CTNNA2: variants seen among roughly 807,000 people sequenced by gnomAD.
CTNNA2 encodes catenin alpha 2, also known as catenin alpha-2.
Under a neutral mutation model 101.0 loss-of-function variants are expected in CTNNA2, and 42 were observed. That is an observed-to-expected ratio of 0.42 (90% confidence interval 0.32 to 0.54). The LOEUF (loss-of-function observed/expected upper bound fraction) is 0.54, where lower values mean the gene tolerates loss of function less well. CTNNA2 is among the 20% of genes least tolerant of loss of function. The probability of loss-of-function intolerance (pLI) is 0.14; values close to 1 mark genes in which losing one functional copy is unlikely to be tolerated. For missense variants in CTNNA2, 871 were observed against 1,223.1 expected (o/e 0.71, Z 4.29); for synonymous variants, 450 against 456.4 (o/e 0.99, Z 0.18).
At chr2:79,818,852 T>C (rs1433057682) in intron 3 of CTNNA2, among the ~76,000 whole-genome samples, 1 of 137,052 alleles carries the variant, frequency 7.3e-6, no homozygotes, top group African/African-American at 2.8e-5. Flanking sequence ...TATATATGGA[T>C]GTATGTGTAT....
intron 9 of CTNNA2, among the ~76,000 whole-genome samples, chr2:80,433,858 A>T (rs1247169785): frequency 1.3e-5 from 2 of 152,164 alleles, no homozygotes; most frequent in African/African-American, 4.8e-5. Flanking sequence ...ATTTCTCCTG[A>T]TAGTTTTCAG....
At chr2:79,296,739 G>A (rs1372684364) in intron 2 of CTNNA2, among the ~76,000 whole-genome samples, 1 of 152,076 alleles carries the variant, frequency 6.6e-6, no homozygotes, top group African/African-American at 2.4e-5. Flanking sequence ...CCTTTTTGCG[G>A]TGCTTTGTCC....
At chr2:79,590,454 G>A (rs1227585454) in intron 1 of CTNNA2, among the ~76,000 whole-genome samples, 1 of 152,080 alleles carries the variant, frequency 6.6e-6, no homozygotes, top group African/African-American at 2.4e-5. Flanking sequence ...TAAGTAATGG[G>A]GAGATGATTA....
At chr2:79,716,332 T>C (rs974872328) in intron 2 of CTNNA2, among the ~76,000 whole-genome samples, 1 of 152,216 alleles carries the variant, frequency 6.6e-6, no homozygotes, top group African/African-American at 2.4e-5. Context: ...GTTTGTTACA[T>C]AGGTAAACAT....
intron 1 of CTNNA2, among the ~76,000 whole-genome samples, chr2:79,567,014 A>C (rs546468588): frequency 1.8e-4 from 28 of 152,332 alleles, no homozygotes; most frequent in African/African-American, 6.5e-4. Flanking sequence ...CAACAAATAC[A>C]CATTTGGGTA....
At chr2:79,612,415 AG>A (rs1678337256) in intron 1 of CTNNA2, among the ~76,000 whole-genome samples, 1 of 152,148 alleles carries the variant, frequency 6.6e-6, no homozygotes, top group Non-Finnish European at 1.5e-5. Flanking sequence ...TTTCATTGTT[AG>A]GTAGACTGTT....
intron 4 of CTNNA2, among the ~76,000 whole-genome samples, chr2:79,385,529 G>T (rs200357346): frequency 7.1e-6 from 1 of 140,962 alleles, no homozygotes; most frequent in Non-Finnish European, 1.5e-5. Flanking sequence ...ATTTTATTTT[G>T]TTTTACTTTT....
chr2:80,043,091 CTTTCTCTCTCTCTCTCT>C (rs1558754986), intron 7 of CTNNA2, among the ~76,000 whole-genome samples: 55 of 16,664 alleles, frequency 3.3e-3, no homozygotes, highest in East Asian at 4.7e-3. Context: ...TTCTTTCTTT[CTTTCTCTCTCTCTCTCT>C]CTCTTTCTTT....
intron 7 of CTNNA2, among the ~76,000 whole-genome samples, chr2:80,073,925 C>T (rs1343628169): frequency 1.3e-5 from 2 of 151,884 alleles, no homozygotes; most frequent in African/African-American, 4.8e-5. Context: ...TTAACTAATC[C>T]TCTATTTCTG....
At chr2:79,201,909 A>C (rs1470733203) in intron 2 of CTNNA2, among the ~76,000 whole-genome samples, 1 of 152,160 alleles carries the variant, frequency 6.6e-6, no homozygotes, top group Non-Finnish European at 1.5e-5. Context: ...TCAGTGGTAC[A>C]GTTTGCTTTT....
intron 15 of CTNNA2, among the ~76,000 whole-genome samples, chr2:80,596,782 T>G (rs1252352091): frequency 7.2e-6 from 1 of 139,448 alleles, no homozygotes; most frequent in East Asian, 2.1e-4. Context: ...CCTTGTCTTG[T>G]GTCCGGTTTT....
chr2:80,473,844 G>A (rs887080885), intron 9 of CTNNA2, among the ~76,000 whole-genome samples: 1 of 152,150 alleles, frequency 6.6e-6, no homozygotes, highest in African/African-American at 2.4e-5. Context: ...TCACAGATGT[G>A]TGTTTGTTTT....
chr2:79,264,224 A>G (rs1455673620), intron 2 of CTNNA2, among the ~76,000 whole-genome samples: 1 of 152,152 alleles, frequency 6.6e-6, no homozygotes, highest in Non-Finnish European at 1.5e-5. Flanking sequence ...GTAGGGTGAG[A>G]GCCAGTTGTA....
At chr2:79,720,414 T>G (rs1686405437) in intron 2 of CTNNA2, among the ~76,000 whole-genome samples, 1 of 152,152 alleles carries the variant, frequency 6.6e-6, no homozygotes. Flanking sequence ...AATTTTTTTT[T>G]CTAATTCTGT....
intron 3 of CTNNA2, among the ~76,000 whole-genome samples, chr2:79,756,511 TG>T (rs1481199738): frequency 6.6e-6 from 1 of 152,084 alleles, no homozygotes; most frequent in Non-Finnish European, 1.5e-5. Context: ...TTATAGGCTA[TG>T]GAAGTGCAAT....
chr2:79,592,015 G>T (rs1049133583), intron 1 of CTNNA2, among the ~76,000 whole-genome samples: 1 of 149,144 alleles, frequency 6.7e-6, no homozygotes, highest in Non-Finnish European at 1.5e-5. Context: ...TTCTCCTCTA[G>T]ATTAAAAAAT....
chr2:80,636,223 A>G (rs1672866018), intron 18 of CTNNA2, among the ~76,000 whole-genome samples: 1 of 152,140 alleles, frequency 6.6e-6, no homozygotes, highest in South Asian at 2.1e-4. Flanking sequence ...GAATATGTAG[A>G]TTCGAAACTG....
intron 12 of CTNNA2, among the ~76,000 whole-genome samples, chr2:80,573,574 CA>C (rs1694787890): frequency 6.6e-6 from 1 of 152,014 alleles, no homozygotes; most frequent in African/African-American, 2.4e-5. Flanking sequence ...GCATTTCTGA[CA>C]AAAGTGGGAA....
At chr2:79,814,045 T>C (rs1245632195) in intron 3 of CTNNA2, among the ~76,000 whole-genome samples, 1 of 152,028 alleles carries the variant, frequency 6.6e-6, no homozygotes, top group East Asian at 1.9e-4. Flanking sequence ...CACATGGCAG[T>C]CTTCTCTTTT....
Sources: allele counts gnomAD v4.1 joint callset (sites outside exome capture counted in the v4.1 genomes callset), GRCh38; gene constraint gnomAD v4.1.1; transcripts MANE v1.5; gene names NCBI Gene and HGNC (gene_info 2026-07-23, HGNC 2026-07-21).